Variants in XKR6 observed in about 807,000 individuals in gnomAD.
XKR6 encodes XK related 6, also known as XK-related protein 6.
XKR6 carries 22 observed loss-of-function variants against 56.7 expected under a neutral mutation model. That is an observed-to-expected ratio of 0.39 (90% CI 0.28 to 0.55). The LOEUF (loss-of-function observed/expected upper bound fraction) is 0.55. XKR6 is among the 20% of genes least tolerant of loss of function. XKR6 has a pLI of 0.66. For synonymous variants in XKR6, 524 were observed against 387.8 expected, an observed-to-expected ratio of 1.35 and a Z score of -4.13; for missense variants, 852 against 889.0, an observed-to-expected ratio of 0.96 and a Z score of 0.53.
chr8:11,147,283 G>C lies in XKR6; in HGVS notation c.764+53293C>G, dbSNP rs77852951. Among the ~76,000 whole-genome samples the C allele has an allele frequency of 4.0e-4, 61 of 152,174 alleles. No individual in the cohort carries two copies. In the East Asian group the frequency reaches 9.5e-3, roughly 24 times the overall value. On this transcript the variant is annotated intron_variant, in intron 1 of 2. Transcript: ENST00000416569. ...TCATTTAAAAAAGAACTTGTACCTA[G>C]AATAAAGATTCCTCAAAAATCAATA...
At position 11,055,611 on chromosome 8, in the gene XKR6, G is replaced by A. The variant is rs538010968; in HGVS notation, c.765-130781C>T. 1.1e-4 allele frequency among the ~76,000 whole-genome samples: 17 copies of A among 152,350 alleles called. No homozygotes were observed. The South Asian group carries it at 2.9e-3, about 26-fold the overall frequency. ...GTCTGGCCGCTGCCCCCAAATCCAC[G>A]TCCCAGGACAGCTCTGTCTGACAAA... On this transcript the variant is annotated intron_variant, in intron 1 of 2. Transcript: ENST00000416569.
intron 1 of XKR6, among the ~76,000 whole-genome samples, chr8:11,117,066 T>C (rs890912278): frequency 8.5e-5 from 13 of 152,250 alleles, no homozygotes; most frequent in African/African-American, 2.9e-4. Context: ...AGTTACAAAT[T>C]TAGACTAACT....
intron 1 of XKR6, among the ~76,000 whole-genome samples, chr8:11,003,584 T>C (rs891904237): frequency 6.6e-6 from 1 of 152,190 alleles, no homozygotes; most frequent in Non-Finnish European, 1.5e-5. Context: ...TTGTCTTTAA[T>C]CCTCAAATAA....
intron 1 of XKR6, chr8:11,002,471 G>C: frequency 2.5e-6 from 1 of 403,132 alleles, no homozygotes. Context: ...GAGAAGGCAG[G>C]AGAAAAAGAC....
At chr8:11,175,701 A>G (rs1245818045) in intron 1 of XKR6, 1 of 152,210 alleles carries the variant, frequency 6.6e-6, no homozygotes, top group Non-Finnish European at 1.5e-5. Flanking sequence ...ACCTGAAGAT[A>G]ATTACTTCAT....
intron 1 of XKR6, among the ~76,000 whole-genome samples, chr8:11,038,369 G>C (rs971586203): frequency 6.6e-6 from 1 of 152,134 alleles, no homozygotes; most frequent in African/African-American, 2.4e-5. Flanking sequence ...AGTCACTCGA[G>C]GTCACACAGG....
chr8:11,088,996 G>A (rs552339705), intron 1 of XKR6, among the ~76,000 whole-genome samples: 2 of 152,338 alleles, frequency 1.3e-5, no homozygotes, highest in East Asian at 3.9e-4. Context: ...GTGACATTTT[G>A]TAGGCTTTGA....
At chr8:11,081,830 C>T (rs1586519190) in intron 1 of XKR6, among the ~76,000 whole-genome samples, 1 of 152,174 alleles carries the variant, frequency 6.6e-6, no homozygotes, top group Non-Finnish European at 1.5e-5. Context: ...CCACTGTTTC[C>T]CTGGTGTCAC....
intron 1 of XKR6, among the ~76,000 whole-genome samples, chr8:11,034,248 G>A (rs1799082249): frequency 1.3e-5 from 2 of 152,194 alleles, no homozygotes; most frequent in Admixed American, 1.3e-4. Context: ...ATGAGAGGCT[G>A]GAGGATCTCA....
intron 2 of XKR6, among the ~76,000 whole-genome samples, chr8:10,917,599 C>A (rs1311872501): frequency 6.6e-6 from 1 of 152,186 alleles, no homozygotes; most frequent in Non-Finnish European, 1.5e-5. Context: ...CCTGGGGATG[C>A]CCAGTCTTGC....
chr8:11,153,227 A>G (rs954229151), intron 1 of XKR6, among the ~76,000 whole-genome samples: 3 of 152,224 alleles, frequency 2.0e-5, no homozygotes, highest in Non-Finnish European at 4.4e-5. Context: ...CCTTCAGATA[A>G]CTACTCCCAA....
chr8:11,157,970 G>C (rs1487101246), intron 1 of XKR6, among the ~76,000 whole-genome samples: 1 of 152,126 alleles, frequency 6.6e-6, no homozygotes, highest in Non-Finnish European at 1.5e-5. Context: ...TCAAACCAAA[G>C]CAAAAATCTG....
intron 1 of XKR6, among the ~76,000 whole-genome samples, chr8:11,151,507 C>T (rs968968264): frequency 1.3e-5 from 2 of 152,126 alleles, no homozygotes; most frequent in African/African-American, 4.8e-5. Context: ...TCAGTAAGAA[C>T]AGATGTAATA....
chr8:11,102,172 T>C (rs1160914555), intron 1 of XKR6, among the ~76,000 whole-genome samples: 6 of 152,164 alleles, frequency 3.9e-5, no homozygotes, highest in African/African-American at 1.4e-4. Context: ...CTTTTTCACA[T>C]CTTTTCCCCT....
At chr8:11,114,368 C>T (rs1010219568) in intron 1 of XKR6, among the ~76,000 whole-genome samples, 3 of 152,074 alleles carry the variant, frequency 2.0e-5, no homozygotes, top group Non-Finnish European at 2.9e-5. Context: ...GATTTATTTA[C>T]TTATTTATTT....
intron 1 of XKR6, among the ~76,000 whole-genome samples, chr8:10,957,183 T>C (rs1186294247): frequency 6.6e-6 from 1 of 152,166 alleles, no homozygotes; most frequent in African/African-American, 2.4e-5. Context: ...ACTCCTGACC[T>C]CAGATCATCC....
intron 2 of XKR6, among the ~76,000 whole-genome samples, chr8:10,904,103 C>T (rs991906694): frequency 2.6e-5 from 4 of 152,152 alleles, no homozygotes; most frequent in South Asian, 2.1e-4. Flanking sequence ...GACTGCATTC[C>T]GAAGATCAGA....
At chr8:11,005,497 T>A (rs1362813135) in intron 1 of XKR6, among the ~76,000 whole-genome samples, 1 of 152,142 alleles carries the variant, frequency 6.6e-6, no homozygotes, top group East Asian at 1.9e-4. Context: ...TGGTAATGGT[T>A]GTACAACACC....
intron 1 of XKR6, among the ~76,000 whole-genome samples, chr8:11,107,130 G>C (rs1044410164): frequency 1.3e-5 from 2 of 151,932 alleles, no homozygotes; most frequent in African/African-American, 4.8e-5. Flanking sequence ...ATTTCAAAGG[G>C]CTAGAAAGGA....
Sources: allele counts gnomAD v4.1 joint callset (sites outside exome capture counted in the v4.1 genomes callset), GRCh38; gene constraint gnomAD v4.1.1; transcripts MANE v1.5; gene names NCBI Gene and HGNC (gene_info 2026-07-23, HGNC 2026-07-21).